Variants in EPHA3 observed in about 807,000 individuals in gnomAD.
The protein encoded by EPHA3 is ephrin type-A receptor 3.
A neutral mutation model predicts 107.1 loss-of-function variants in EPHA3; 42 were observed. The observed-to-expected ratio is 0.39, with a 90% CI of 0.31 to 0.51. The LOEUF is 0.51. EPHA3 is among the 20% of genes least tolerant of loss of function. The pLI, the probability that EPHA3 is intolerant of heterozygous loss-of-function variation, is 0.78. For synonymous variants in EPHA3, 461 were observed against 424.8 expected (o/e 1.09, Z -1.05); for missense variants, 1,183 against 1,211.2 (o/e 0.98, Z 0.35).
At chr3:89,274,243 A>G (rs796690937) in intron 3 of EPHA3, among the ~76,000 whole-genome samples, 33 of 152,058 alleles carry the variant, frequency 2.2e-4, no homozygotes, top group African/African-American at 7.7e-4. Context: ...AGCCTCAACA[A>G]TAATTGATGT....
At chr3:89,317,917 A>T (rs1706946895) in intron 3 of EPHA3, among the ~76,000 whole-genome samples, 1 of 151,936 alleles carries the variant, frequency 6.6e-6, no homozygotes, top group South Asian at 2.1e-4. Context: ...TGATAAGTTA[A>T]AATATTGTCT....
At chr3:89,421,159 C>T (rs1265614426) in intron 11 of EPHA3, among the ~76,000 whole-genome samples, 2 of 151,178 alleles carry the variant, frequency 1.3e-5, no homozygotes, top group African/African-American at 4.8e-5. Flanking sequence ...TGAGACATTC[C>T]TCAATCTTCA....
chr3:89,346,916 T>C (rs1012942578), intron 5 of EPHA3, among the ~76,000 whole-genome samples: 1 of 147,126 alleles, frequency 6.8e-6, no homozygotes, highest in Non-Finnish European at 1.5e-5. Context: ...TTGTCAAAGA[T>C]CAGATAGTTG....
chr3:89,322,305 A>G (rs1037612914), intron 3 of EPHA3, among the ~76,000 whole-genome samples: 2 of 152,094 alleles, frequency 1.3e-5, no homozygotes, highest in Admixed American at 6.6e-5. Context: ...TAATCTGGAT[A>G]CTTATGCCCT....
intron 13 of EPHA3, among the ~76,000 whole-genome samples, chr3:89,442,052 C>T (rs1355148184): frequency 6.6e-6 from 1 of 151,860 alleles, no homozygotes; most frequent in African/African-American, 2.4e-5. Context: ...TTACTTATAC[C>T]TCCATTTAAT....
intron 13 of EPHA3, among the ~76,000 whole-genome samples, chr3:89,432,161 T>C (rs2107538093): frequency 6.6e-6 from 1 of 152,248 alleles, no homozygotes; most frequent in Middle Eastern, 3.4e-3. Flanking sequence ...ATGAGCCTCA[T>C]GATTTTCTAA....
At chr3:89,174,876 T>C (rs1705286164) in intron 2 of EPHA3, among the ~76,000 whole-genome samples, 1 of 151,836 alleles carries the variant, frequency 6.6e-6, no homozygotes. Flanking sequence ...TCAAATCAAA[T>C]TTGGTAAATC....
intron 11 of EPHA3, among the ~76,000 whole-genome samples, chr3:89,428,673 G>A (rs910098922): frequency 2.0e-5 from 3 of 151,936 alleles, no homozygotes; most frequent in African/African-American, 7.2e-5. Flanking sequence ...ACCTAGCACA[G>A]TGCCCTACAC....
chr3:89,139,947 TCTGG>T (rs1704393236), intron 2 of EPHA3, among the ~76,000 whole-genome samples: 3 of 151,802 alleles, frequency 2.0e-5, no homozygotes, highest in Admixed American at 2.0e-4. Context: ...AATATCCAAA[TCTGG>T]AGACACAGCA....
At chr3:89,247,188 T>G (rs1705053122) in intron 3 of EPHA3, among the ~76,000 whole-genome samples, 1 of 152,162 alleles carries the variant, frequency 6.6e-6, no homozygotes, top group Non-Finnish European at 1.5e-5. Context: ...AGTAAATCAT[T>G]TCAGGGCAAT....
intron 13 of EPHA3, among the ~76,000 whole-genome samples, chr3:89,432,038 A>G (rs1434102906): frequency 1.3e-5 from 2 of 152,086 alleles, no homozygotes; most frequent in Non-Finnish European, 2.9e-5. Context: ...GCTGTATTCT[A>G]TATTGTTGTA....
intron 3 of EPHA3, among the ~76,000 whole-genome samples, chr3:89,286,355 G>A (rs918227697): frequency 5.9e-5 from 9 of 151,870 alleles, no homozygotes; most frequent in African/African-American, 9.7e-5. Context: ...AATCAGAGCC[G>A]TTGTAGCCTT....
intron 15 of EPHA3, among the ~76,000 whole-genome samples, chr3:89,460,687 T>C (rs1264088279): frequency 6.7e-6 from 1 of 148,254 alleles, no homozygotes; most frequent in Non-Finnish European, 1.5e-5. Context: ...AAAGACAATC[T>C]GCCTTTATTT....
intron 13 of EPHA3, among the ~76,000 whole-genome samples, chr3:89,434,788 T>C (rs1440307660): frequency 1.3e-5 from 2 of 152,190 alleles, no homozygotes; most frequent in Non-Finnish European, 2.9e-5. Flanking sequence ...GCTCTTTGCA[T>C]TTCTGTTCCA....
At chr3:89,114,432 C>T (rs1707202467) in intron 1 of EPHA3, among the ~76,000 whole-genome samples, 1 of 152,118 alleles carries the variant, frequency 6.6e-6, no homozygotes, top group East Asian at 1.9e-4. Flanking sequence ...CTCAACAGTT[C>T]ACTGCTTGCT....
intron 3 of EPHA3, among the ~76,000 whole-genome samples, chr3:89,256,993 A>G (rs1705300883): frequency 6.6e-6 from 1 of 152,246 alleles, no homozygotes; most frequent in Non-Finnish European, 1.5e-5. Flanking sequence ...TTAAAGTAAC[A>G]GTTCACTGTA....
chr3:89,370,246 T>A (rs1559668578), intron 5 of EPHA3, among the ~76,000 whole-genome samples: 2 of 145,740 alleles, frequency 1.4e-5, no homozygotes, highest in African/African-American at 4.9e-5. Context: ...AGCAAAGACT[T>A]GGAATCAACC....
chr3:89,284,881 C>CT (rs1706040963), intron 3 of EPHA3, among the ~76,000 whole-genome samples: 1 of 152,166 alleles, frequency 6.6e-6, no homozygotes, highest in Admixed American at 6.5e-5. Flanking sequence ...AATTCCAGCA[C>CT]TTTGGGAGGC....
intron 2 of EPHA3, among the ~76,000 whole-genome samples, chr3:89,160,942 G>A (rs574910523): frequency 6.6e-6 from 1 of 152,138 alleles, no homozygotes; most frequent in East Asian, 1.9e-4. Context: ...GCTTATGTTG[G>A]TTATGTGTGT....
Sources: gnomAD v4.1 joint callset for allele counts (sites outside exome capture counted in the v4.1 genomes callset) on GRCh38, gnomAD v4.1.1 for gene constraint, MANE v1.5 for transcripts, NCBI Gene and HGNC (gene_info 2026-07-23, HGNC 2026-07-21) for gene names.